GNS: variants seen among roughly 807,000 people sequenced by gnomAD.
GNS encodes the protein glucosamine (N-acetyl)-6-sulfatase, also known as N-acetylglucosamine-6-sulfatase.
In GNS, 40 loss-of-function variants were observed where a neutral mutation model predicts 69.7. The ratio of observed to expected loss-of-function variants is 0.57; its 90% CI spans 0.45 to 0.75. The LOEUF is 0.75. Ranked by LOEUF, GNS falls within the 30% of genes least tolerant of loss-of-function variation. GNS has a pLI of 0.00. For synonymous variants in GNS, 243 were observed against 251.6 expected, an observed-to-expected ratio of 0.97 and a Z score of 0.32; for missense variants, 565 against 685.5, an observed-to-expected ratio of 0.82 and a Z score of 1.96.
Position 64,715,456 on chromosome 12 carries a change from T to G in GNS, c.*1285A>C, listed in dbSNP as rs1238599578. 3 of 152,760 alleles carry G rather than the reference T, an allele frequency of 2.0e-5. No homozygotes were observed. 9.5% of individuals were successfully genotyped at this position (152,760 alleles called of 1,614,324 possible). The stretch of plus-strand genomic sequence containing the variant: ...TCGCTTGAACCCAGGAGGCGAAGGT[T>G]GCAGTGAGCTGAGATCATGCCATTG... On this transcript the variant is annotated 3_prime_UTR_variant, in exon 14 of 14. Transcript: ENST00000258145.
chr12:64,737,559 A>G lies in GNS; in HGVS notation c.995-452T>C, dbSNP rs899240019. Among the ~76,000 whole-genome samples the G allele has an allele frequency of 8.2e-4, 125 of 152,222 alleles. 1 individual carries two copies. The highest frequency in any genetic ancestry group is 8.2e-3 in the Admixed American group (125 of 15,282). On this transcript the variant is annotated intron_variant, in intron 8 of 13. Transcript: ENST00000258145. Reference sequence around the variant, plus strand: ...CTGAGGAATTTCAGCTAATAAATACAAAAGAAAGGACAGGATTACAAAATC... The same window carrying G: ...CTGAGGAATTTCAGCTAATAAATACGAAAGAAAGGACAGGATTACAAAATC...
At chr12:64,720,352 G>C (rs1868987787) in intron 12 of GNS, among the ~76,000 whole-genome samples, 170 bp from the exon 13 acceptor site, 1 of 152,118 alleles carries the variant, frequency 6.6e-6, no homozygotes, top group Non-Finnish European at 1.5e-5. Flanking sequence ...AGAGCTCACT[G>C]CTTCCTTGAG....
At position 64,745,690 on chromosome 12, in the gene GNS, A is replaced by G; in HGVS notation, c.494T>C (p.Val165Ala). The G allele has an allele frequency of 6.2e-7, 1 of 1,609,560 alleles. No individual in the cohort carries two copies. The highest frequency in any genetic ancestry group is 8.5e-7 in the Non-Finnish European group (1 of 1,175,786). ...ATACCAGTAACTCCAACCCAGAGGA[A>G]CGTGTTCTAGTCCACCTGCATCTGG... is the stretch of plus-strand genomic sequence containing the variant. The part of the protein sequence containing the change: ...GAPDAGGLEH[V>A]PLGWSYWYAL... The change falls in exon 4 of 14, where the codon GTT (valine) becomes GCT (alanine). Residue 165 changes from valine (V) to alanine (A), a missense_variant. Transcript: ENST00000258145.
chr12:64,734,242 G>C (rs1296802186), intron 9 of GNS, among the ~76,000 whole-genome samples: 1 of 152,168 alleles, frequency 6.6e-6, no homozygotes, highest in Non-Finnish European at 1.5e-5. Flanking sequence ...TGCGACCTTG[G>C]CAAAATCCAT....
At chr12:64,750,275 T>C (rs1870038161) in intron 2 of GNS, among the ~76,000 whole-genome samples, 1 of 152,148 alleles carries the variant, frequency 6.6e-6, no homozygotes, top group African/African-American at 2.4e-5. Context: ...CTCGAACTCC[T>C]GACCTCAGGT....
chr12:64,735,208 A>G (rs1869525596), intron 9 of GNS, among the ~76,000 whole-genome samples: 1 of 152,252 alleles, frequency 6.6e-6, no homozygotes, highest in Non-Finnish European at 1.5e-5. Context: ...AAGATAATAA[A>G]TACTTGTTGA....
At chr12:64,738,036 G>T (rs143156626) in intron 8 of GNS, among the ~76,000 whole-genome samples, 3 of 150,488 alleles carry the variant, frequency 2.0e-5, no homozygotes, top group African/African-American at 4.9e-5. Context: ...TTGAGATGGA[G>T]TCTCGCTCTG....
chr12:64,742,114 G>A lies in GNS; in HGVS notation c.792+1027C>T, dbSNP rs146189242. Among the ~76,000 whole-genome samples, 500 of 152,070 alleles carry A rather than the reference G, an allele frequency of 3.3e-3. 5 individuals carry two copies. Among genetic ancestry groups the A allele is most frequent in the African/African-American group, 0.011 (457 of 41,446 alleles). ...CGGCTCACGGCAAGCTCCGCCTCCC[G>A]GGTTCACGCCATTCTCCTGCCTCAG... On this transcript the variant is annotated intron_variant, in intron 6 of 13. Transcript: ENST00000258145.
At chr12:64,726,541 T>C (rs185120957) in intron 10 of GNS, among the ~76,000 whole-genome samples, 7 of 152,290 alleles carry the variant, frequency 4.6e-5, no homozygotes, top group Non-Finnish European at 1.0e-4. Context: ...CCTTCAATTC[T>C]TGGAGTGCAG....
intron 1 of GNS, among the ~76,000 whole-genome samples, chr12:64,754,111 G>C (rs538984237): frequency 3.9e-5 from 6 of 152,076 alleles, no homozygotes; most frequent in Admixed American, 3.3e-4. Context: ...CAGTAAGACT[G>C]TGTAATAACA....
At chr12:64,741,723 C>T (rs554246456) in intron 6 of GNS, among the ~76,000 whole-genome samples, 28 of 152,184 alleles carry the variant, frequency 1.8e-4, no homozygotes, top group Non-Finnish European at 3.7e-4. Context: ...TCCCTATATA[C>T]TATTCTCTCT....
chr12:64,754,283 C>G (rs1053699888), intron 1 of GNS, among the ~76,000 whole-genome samples: 1 of 152,062 alleles, frequency 6.6e-6, no homozygotes, highest in African/African-American at 2.4e-5. Flanking sequence ...AGAGAATAAA[C>G]CAGGATGATG....
intron 13 of GNS, 22 bp from the exon 14 acceptor site, chr12:64,716,841 T>C: frequency 7.0e-7 from 1 of 1,429,080 alleles, no homozygotes; most frequent in Non-Finnish European, 9.9e-7. Context: ...AAACCAAATG[T>C]AACATTAGCT....
chr12:64,729,895 C>T (rs921288286), intron 9 of GNS, among the ~76,000 whole-genome samples: 10 of 152,238 alleles, frequency 6.6e-5, no homozygotes, highest in South Asian at 2.1e-4. Context: ...AACATGTAAA[C>T]AATATTTTTT....
intron 3 of GNS, chr12:64,745,984 A>C (rs1440349757): frequency 1.9e-6 from 1 of 527,856 alleles, no homozygotes; most frequent in Non-Finnish European, 3.4e-6. Flanking sequence ...AACAATTTTA[A>C]AATATAAAAG....
chr12:64,716,608 T>A lies in GNS; in HGVS notation c.*133A>T, dbSNP rs540848251. The A allele has an allele frequency of 1.4e-6, 1 of 718,076 alleles. No individual in the cohort carries two copies. The highest frequency in any genetic ancestry group is 2.7e-5 in the East Asian group (1 of 37,248). 44.5% of individuals were successfully genotyped at this position (718,076 alleles called of 1,614,324 possible). A position where few individuals can be genotyped will look rare whatever the true frequency, so the allele number is the denominator to read the frequency against. The stretch of plus-strand genomic sequence containing the variant: ...GGAAGTCAGCTGACTGGGTTGCTTT[T>A]TCAAACAGGACTTAAAGCCAGCCCA... On this transcript the variant is annotated 3_prime_UTR_variant, in exon 14 of 14. Transcript: ENST00000258145.
intron 6 of GNS, among the ~76,000 whole-genome samples, chr12:64,742,612 C>G (rs1869780296): frequency 6.6e-6 from 1 of 152,202 alleles, no homozygotes; most frequent in Non-Finnish European, 1.5e-5. Context: ...CAATGCAGGC[C>G]TTCTGTCTTT....
intron 10 of GNS, among the ~76,000 whole-genome samples, chr12:64,723,460 T>C (rs1869096583): frequency 6.6e-6 from 1 of 152,242 alleles, no homozygotes; most frequent in South Asian, 2.1e-4. Context: ...AATACTGTCA[T>C]ATGCTCTATG....
At chr12:64,753,244 C>T (rs1388078439) in intron 1 of GNS, among the ~76,000 whole-genome samples, 1 of 152,174 alleles carries the variant, frequency 6.6e-6, no homozygotes, top group African/African-American at 2.4e-5. Flanking sequence ...CAACTACCAA[C>T]TACTGTTGTC....
Sources: gnomAD v4.1 joint callset for allele counts (sites outside exome capture counted in the v4.1 genomes callset) on GRCh38, gnomAD v4.1.1 for gene constraint, MANE v1.5 for transcripts, NCBI Gene and HGNC (gene_info 2026-07-23, HGNC 2026-07-21) for gene names.